The following WWOX variants were observed in gnomAD, a reference collection of about 807,000 sequenced individuals.
WWOX encodes the protein WW domain containing oxidoreductase.
Under a neutral mutation model 46.2 loss-of-function variants are expected in WWOX, and 69 were observed. The observed-to-expected ratio is 1.49, with a 90% CI of 1.23 to 1.82. The LOEUF is 1.82. WWOX is among the 40% of genes most tolerant of loss of function. WWOX has a pLI of 0.00. For synonymous variants in WWOX, 359 were observed against 202.6 expected (o/e 1.77, Z -6.56); for missense variants, 919 against 542.6 (o/e 1.69, Z -6.89).
In WWOX at chr16:79,209,520, G is replaced by T. The variant is rs1459699899; in HGVS notation, c.1057-2088G>T. Among the ~76,000 whole-genome samples the T allele has an allele frequency of 2.6e-5, 4 of 152,292 alleles. No individual in the cohort carries two copies. In the East Asian group the frequency reaches 7.7e-4, roughly 29 times the overall value. On this transcript the variant is annotated intron_variant, in intron 8 of 8. Transcript: ENST00000566780. ...ATAACCATTGTGGCATAGAGGGCGG[G>T]AGGCTGGACTTGAAATGGGTGAGCT...
intron 8 of WWOX, among the ~76,000 whole-genome samples, chr16:79,163,497 T>G (rs1410175547): frequency 2.0e-5 from 3 of 152,126 alleles, no homozygotes; most frequent in Admixed American, 1.3e-4. Flanking sequence ...CAATGCATAT[T>G]CATCATGATG....
intron 8 of WWOX, among the ~76,000 whole-genome samples, chr16:78,786,664 T>C (rs2050464927): frequency 6.6e-6 from 1 of 152,224 alleles, no homozygotes; most frequent in African/African-American, 2.4e-5. Flanking sequence ...TAGAGTATCT[T>C]TTTGTCCCCG....
intron 8 of WWOX, among the ~76,000 whole-genome samples, chr16:78,760,467 T>A (rs868080996): frequency 6.6e-6 from 1 of 152,144 alleles, no homozygotes; most frequent in African/African-American, 2.4e-5. Context: ...TACTCACAGG[T>A]GGGATTAGGA....
intron 8 of WWOX, among the ~76,000 whole-genome samples, chr16:78,528,925 T>C (rs375459429): frequency 5.8e-4 from 87 of 151,086 alleles, no homozygotes; most frequent in African/African-American, 1.9e-3. Context: ...TCTTTTTTTT[T>C]TCTTTCCTTT....
intron 8 of WWOX, among the ~76,000 whole-genome samples, chr16:79,075,547 C>T (rs915874966): frequency 9.0e-4 from 20 of 22,324 alleles, no homozygotes; most frequent in Non-Finnish European, 7.5e-5. Flanking sequence ...CTTTCTCTCT[C>T]TCTCTTTTTT....
intron 8 of WWOX, among the ~76,000 whole-genome samples, chr16:78,829,276 C>A (rs557086108): frequency 6.6e-6 from 1 of 151,950 alleles, no homozygotes; most frequent in Non-Finnish European, 1.5e-5. Flanking sequence ...CCAGAAGGGC[C>A]CATGGTAGAA....
chr16:79,042,041 A>T (rs1006677884), intron 8 of WWOX, among the ~76,000 whole-genome samples: 6 of 152,092 alleles, frequency 3.9e-5, no homozygotes, highest in Admixed American at 3.9e-4. Flanking sequence ...ATGTTCCACA[A>T]ATTTTGGAGG....
intron 8 of WWOX, among the ~76,000 whole-genome samples, chr16:78,675,487 C>T (rs947178223): frequency 5.3e-5 from 8 of 152,180 alleles, no homozygotes; most frequent in East Asian, 1.9e-4. Flanking sequence ...GTTCCAGGCA[C>T]GGTTGTAAGC....
intron 8 of WWOX, among the ~76,000 whole-genome samples, chr16:78,812,331 A>T (rs1439299776): frequency 6.6e-6 from 1 of 151,976 alleles, no homozygotes; most frequent in Non-Finnish European, 1.5e-5. Context: ...GGGTTTTGAG[A>T]CCCTCAGGGT....
intron 8 of WWOX, among the ~76,000 whole-genome samples, chr16:78,731,794 A>T (rs1267222270): frequency 6.6e-6 from 1 of 152,048 alleles, no homozygotes; most frequent in Non-Finnish European, 1.5e-5. Context: ...ATAACATGCA[A>T]CAAAAACTAA....
intron 8 of WWOX, among the ~76,000 whole-genome samples, chr16:78,574,106 A>AG (rs1206088214): frequency 7.2e-5 from 11 of 152,144 alleles, no homozygotes; most frequent in East Asian, 1.9e-4. Flanking sequence ...TGTTGGCTGG[A>AG]GGTACCCCTC....
intron 8 of WWOX, among the ~76,000 whole-genome samples, chr16:78,796,890 A>G (rs1025099523): frequency 6.7e-6 from 1 of 148,734 alleles, no homozygotes; most frequent in African/African-American, 2.5e-5. Context: ...CAGTGGTGCG[A>G]TCTCGGCTCA....
intron 5 of WWOX, among the ~76,000 whole-genome samples, chr16:78,323,702 G>A (rs539546617): frequency 6.6e-6 from 1 of 152,092 alleles, no homozygotes; most frequent in African/African-American, 2.4e-5. Flanking sequence ...TTCCTCTTTG[G>A]AATCAGGAAA....
At chr16:78,933,762 G>C (rs1486679882) in intron 8 of WWOX, among the ~76,000 whole-genome samples, 1 of 152,110 alleles carries the variant, frequency 6.6e-6, no homozygotes, top group Non-Finnish European at 1.5e-5. Flanking sequence ...ACTATCACGA[G>C]AACAGCATGG....
At chr16:78,162,687 T>G (rs780943736) in intron 4 of WWOX, among the ~76,000 whole-genome samples, 137 of 152,320 alleles carry the variant, frequency 9.0e-4, no homozygotes, top group Non-Finnish European at 1.6e-3. Flanking sequence ...TAAATATTGC[T>G]TTTCTTAGTC....
At chr16:78,915,744 A>G (rs1405223014) in intron 8 of WWOX, among the ~76,000 whole-genome samples, 1 of 152,148 alleles carries the variant, frequency 6.6e-6, no homozygotes, top group Non-Finnish European at 1.5e-5. Flanking sequence ...TGCCTTGATC[A>G]AACATTTGCT....
At chr16:78,333,221 T>C (rs1026951387) in intron 5 of WWOX, among the ~76,000 whole-genome samples, 4 of 151,698 alleles carry the variant, frequency 2.6e-5, no homozygotes, top group African/African-American at 9.7e-5. Context: ...CAGGTAATTT[T>C]TCATTTTTGG....
At chr16:78,979,733 C>A (rs992189053) in intron 8 of WWOX, among the ~76,000 whole-genome samples, 1 of 152,106 alleles carries the variant, frequency 6.6e-6, no homozygotes, top group African/African-American at 2.4e-5. Flanking sequence ...GATAAAGGTC[C>A]CCAGTGGTCC....
intron 4 of WWOX, among the ~76,000 whole-genome samples, chr16:78,147,675 C>CTT (rs33931881): frequency 1.9e-3 from 170 of 90,516 alleles, no homozygotes; most frequent in African/African-American, 2.1e-3. Context: ...TTCTTTCTTC[C>CTT]TTTTTTTTTT....
Sources: gnomAD v4.1 joint callset for allele counts (sites outside exome capture counted in the v4.1 genomes callset) on GRCh38, gnomAD v4.1.1 for gene constraint, MANE v1.5 for transcripts, NCBI Gene and HGNC (gene_info 2026-07-23, HGNC 2026-07-21) for gene names.